SLC41A2: variants seen among roughly 807,000 people sequenced by gnomAD.
SLC41A2 encodes the protein solute carrier family 41 member 2.
A neutral mutation model predicts 58.3 loss-of-function variants in SLC41A2; 32 were observed. That is an observed-to-expected ratio of 0.55 (90% CI 0.41 to 0.74). SLC41A2 has a LOEUF of 0.74. Ranked by LOEUF, SLC41A2 falls within the 30% of genes least tolerant of loss-of-function variation. The pLI, the probability that SLC41A2 is intolerant of heterozygous loss-of-function variation, is 0.00. For missense variants in SLC41A2, 514 were observed against 680.6 expected (o/e 0.76, Z 2.72); for synonymous variants, 190 against 235.0 (o/e 0.81, Z 1.75).
At chr12:104,827,078 T>C (rs947386963) in intron 10 of SLC41A2, among the ~76,000 whole-genome samples, 2 of 152,208 alleles carry the variant, frequency 1.3e-5, no homozygotes, top group African/African-American at 4.8e-5. Flanking sequence ...ACGGCAATTA[T>C]ACTAAGTTGT....
chr12:104,839,612 TC>T (rs1419551499), intron 10 of SLC41A2, among the ~76,000 whole-genome samples: 1 of 152,016 alleles, frequency 6.6e-6, no homozygotes, highest in Admixed American at 6.6e-5. Flanking sequence ...CAAGAGATTC[TC>T]CTGCCTCAGC....
At chr12:104,816,802 A>G (rs1481592560) in intron 10 of SLC41A2, among the ~76,000 whole-genome samples, 1 of 152,176 alleles carries the variant, frequency 6.6e-6, no homozygotes, top group Non-Finnish European at 1.5e-5. Flanking sequence ...ACAATCCCAA[A>G]TTGAGGACAG....
At chr12:104,848,912 A>G (rs2042703038) in intron 8 of SLC41A2, among the ~76,000 whole-genome samples, 2 of 152,036 alleles carry the variant, frequency 1.3e-5, no homozygotes, top group South Asian at 4.1e-4. Flanking sequence ...ACACACACAC[A>G]CACACACACA....
At chr12:104,946,786 T>A (rs1222679330) in intron 1 of SLC41A2, among the ~76,000 whole-genome samples, 1 of 152,170 alleles carries the variant, frequency 6.6e-6, no homozygotes, top group Non-Finnish European at 1.5e-5. Flanking sequence ...CACACTTCAA[T>A]TAAGAGAGAT....
intron 1 of SLC41A2, chr12:104,931,760 T>G (rs571358378): frequency 9.8e-5 from 15 of 152,296 alleles, no homozygotes; most frequent in African/African-American, 3.4e-4. Flanking sequence ...TCACCACCAC[T>G]TGGAAGAAAG....
chr12:104,952,525 T>G (rs1470116436), intron 1 of SLC41A2, among the ~76,000 whole-genome samples: 1 of 152,196 alleles, frequency 6.6e-6, no homozygotes, highest in African/African-American at 2.4e-5. Context: ...GACCTTTTTC[T>G]AAAGATCTCT....
intron 1 of SLC41A2, among the ~76,000 whole-genome samples, chr12:104,936,286 T>C (rs964159254): frequency 1.3e-5 from 2 of 152,240 alleles, no homozygotes; most frequent in African/African-American, 4.8e-5. Flanking sequence ...TATTTTAGCA[T>C]GTATACCTGC....
chr12:104,847,013 T>C (rs946638604), intron 8 of SLC41A2, among the ~76,000 whole-genome samples: 7 of 151,920 alleles, frequency 4.6e-5, no homozygotes, highest in Admixed American at 3.9e-4. Context: ...ATATAAACCA[T>C]TGAAGGAGTT....
intron 10 of SLC41A2, among the ~76,000 whole-genome samples, chr12:104,811,111 A>G (rs745396286): frequency 6.6e-6 from 1 of 152,172 alleles, no homozygotes; most frequent in Non-Finnish European, 1.5e-5. Flanking sequence ...ATACTAGCTC[A>G]GGGGCTCTGC....
At chr12:104,853,482 GA>G (rs959828439) in intron 8 of SLC41A2, among the ~76,000 whole-genome samples, 2 of 152,068 alleles carry the variant, frequency 1.3e-5, no homozygotes, top group African/African-American at 4.8e-5. Flanking sequence ...AAAGATGGAG[GA>G]GAAATATTTT....
At chr12:104,921,252 A>G (rs753390278) in intron 2 of SLC41A2, among the ~76,000 whole-genome samples, 1 of 152,134 alleles carries the variant, frequency 6.6e-6, no homozygotes, top group Non-Finnish European at 1.5e-5. Context: ...CCAAAACTTG[A>G]GAAAGCTATA....
intron 10 of SLC41A2, among the ~76,000 whole-genome samples, chr12:104,823,256 C>T (rs2041710969): frequency 6.6e-6 from 1 of 152,098 alleles, no homozygotes; most frequent in Admixed American, 6.6e-5. Flanking sequence ...AAAGCATCTA[C>T]ATTACATTTG....
chr12:104,886,470 G>A (rs61938785), intron 5 of SLC41A2, 31 bp from the exon 6 acceptor site: 2 of 1,601,608 alleles, frequency 1.2e-6, no homozygotes, highest in African/African-American at 1.3e-5. Context: ...TACTTTTTAG[G>A]CTATGATTTA....
At chr12:104,902,524 A>C (rs1308424071) in intron 3 of SLC41A2, among the ~76,000 whole-genome samples, 1 of 152,220 alleles carries the variant, frequency 6.6e-6, no homozygotes, top group Non-Finnish European at 1.5e-5. Flanking sequence ...GTCAGGAAAG[A>C]GTCTGGAGGT....
intron 6 of SLC41A2, among the ~76,000 whole-genome samples, chr12:104,867,046 A>G (rs2043503498): frequency 6.6e-6 from 1 of 152,136 alleles, no homozygotes; most frequent in African/African-American, 2.4e-5. Flanking sequence ...GCCGGAAGAA[A>G]ATATGTATCT....
intron 3 of SLC41A2, among the ~76,000 whole-genome samples, chr12:104,904,867 T>G (rs1013642724): frequency 6.6e-5 from 10 of 151,518 alleles, no homozygotes; most frequent in African/African-American, 2.4e-4. Context: ...ACCCAAAGAG[T>G]GAGCAGTAGC....
At chr12:104,950,448 G>A (rs1474715071) in intron 1 of SLC41A2, among the ~76,000 whole-genome samples, 1 of 152,208 alleles carries the variant, frequency 6.6e-6, no homozygotes, top group Admixed American at 6.5e-5. Flanking sequence ...CGCCATGACT[G>A]TAAGTTTCCT....
chr12:104,941,874 A>G (rs1039453468), intron 1 of SLC41A2, among the ~76,000 whole-genome samples: 2 of 152,268 alleles, frequency 1.3e-5, no homozygotes, highest in African/African-American at 4.8e-5. Context: ...AACTTAAAGT[A>G]AAATTAAATT....
chr12:104,883,784 T>C (rs2044509708), intron 6 of SLC41A2, among the ~76,000 whole-genome samples: 1 of 152,336 alleles, frequency 6.6e-6, no homozygotes, highest in South Asian at 2.1e-4. Flanking sequence ...CCAGTTAGGC[T>C]ACTTGGGGGT....
Sources: gnomAD v4.1 joint callset for allele counts (sites outside exome capture counted in the v4.1 genomes callset) on GRCh38, gnomAD v4.1.1 for gene constraint, MANE v1.5 for transcripts, NCBI Gene and HGNC (gene_info 2026-07-23, HGNC 2026-07-21) for gene names.